ZNF461: variants seen among roughly 807,000 people sequenced by gnomAD.
The protein encoded by ZNF461 is zinc finger protein 461.
A neutral mutation model predicts 18.3 loss-of-function variants in ZNF461; 16 were observed. The observed-to-expected ratio is 0.88, with a 90% CI of 0.59 to 1.33. The LOEUF (loss-of-function observed/expected upper bound fraction) is 1.33. Among genes scored for constraint, ZNF461 ranks in the 40% most tolerant of loss-of-function variants. The probability of loss-of-function intolerance (pLI) is 0.00; values close to 1 mark genes in which losing one functional copy is unlikely to be tolerated. For missense variants in ZNF461, 595 were observed against 669.9 expected, an observed-to-expected ratio of 0.89 and a Z score of 1.23; for synonymous variants, 179 against 216.9, an observed-to-expected ratio of 0.83 and a Z score of 1.54.
At chr19:36,645,036 T>C (rs1421147838) in intron 4 of ZNF461, 1 of 152,276 alleles carries the variant, frequency 6.6e-6, no homozygotes, top group African/African-American at 2.4e-5. Flanking sequence ...CTGGACAACA[T>C]AGTGAGACCT....
intron 4 of ZNF461, among the ~76,000 whole-genome samples, chr19:36,646,872 A>C (rs1257984158): frequency 6.6e-6 from 1 of 152,260 alleles, no homozygotes; most frequent in Admixed American, 6.5e-5. Context: ...TAAATGAATT[A>C]AATGAATATT....
At chr19:36,642,739 GGT>G (rs373352965) in intron 5 of ZNF461, among the ~76,000 whole-genome samples, 1 of 144,706 alleles carries the variant, frequency 6.9e-6, no homozygotes, top group African/African-American at 2.6e-5. Context: ...TGGCAGACAT[GGT>G]GTGTGTGTGT....
chr19:36,643,608 G>C (rs971423493), intron 5 of ZNF461, 186 bp downstream of exon 5: 1 of 424,748 alleles, frequency 2.4e-6, no homozygotes, highest in Non-Finnish European at 3.9e-6. Flanking sequence ...GAGAGATTCT[G>C]AGAGACTACT....
intron 3 of ZNF461, chr19:36,657,690 A>G (rs2037747951): frequency 2.0e-5 from 3 of 152,210 alleles, no homozygotes; most frequent in African/African-American, 7.3e-5. Context: ...AGGCAGGAGA[A>G]TTGCTTGAAG....
intron 4 of ZNF461, among the ~76,000 whole-genome samples, chr19:36,655,888 G>A (rs961704773): frequency 1.3e-5 from 2 of 151,920 alleles, no homozygotes; most frequent in Admixed American, 1.3e-4. Context: ...CTTTGCCTGT[G>A]GATAATCCAA....
chr19:36,658,547 C>G (rs566515970), intron 2 of ZNF461, 122 bp from the exon 3 acceptor site: 9 of 981,740 alleles, frequency 9.2e-6, no homozygotes, highest in Non-Finnish European at 1.3e-5. Context: ...ATAGGCTAAG[C>G]CTGGGACATG....
chr19:36,646,520 GTTA>G (rs2037531477), intron 4 of ZNF461, among the ~76,000 whole-genome samples: 1 of 152,158 alleles, frequency 6.6e-6, no homozygotes, highest in East Asian at 1.9e-4. Context: ...GATTCGTGGT[GTTA>G]TTAACAAGTA....
chr19:36,648,501 T>C (rs2037568261), intron 4 of ZNF461, among the ~76,000 whole-genome samples: 1 of 150,104 alleles, frequency 6.7e-6, no homozygotes, highest in Non-Finnish European at 1.5e-5. Context: ...ACTTGTTATG[T>C]TTTTTTTTTA....
chr19:36,653,710 T>C (rs2037667390), intron 4 of ZNF461, among the ~76,000 whole-genome samples: 1 of 152,162 alleles, frequency 6.6e-6, no homozygotes, highest in Non-Finnish European at 1.5e-5. Flanking sequence ...AGTGCCCCCA[T>C]GATTCAATTA....
chr19:36,650,157 A>C (rs2037601695), intron 4 of ZNF461, among the ~76,000 whole-genome samples: 1 of 152,322 alleles, frequency 6.6e-6, no homozygotes, highest in South Asian at 2.1e-4. Flanking sequence ...TGGGTGAAAG[A>C]GTGAGACTCC....
intron 5 of ZNF461, among the ~76,000 whole-genome samples, chr19:36,642,906 C>T (rs949894698): frequency 1.3e-5 from 2 of 151,840 alleles, no homozygotes; most frequent in South Asian, 2.1e-4. Flanking sequence ...AGGTGCTCAC[C>T]ACCTGTAATT....
intron 4 of ZNF461, among the ~76,000 whole-genome samples, chr19:36,644,458 G>A (rs536411951): frequency 5.4e-5 from 8 of 147,370 alleles, no homozygotes; most frequent in Non-Finnish European, 9.0e-5. Context: ...TAGTAGAGAT[G>A]GGGTTTCACC....
At chr19:36,643,072 G>A (rs764783690) in intron 5 of ZNF461, among the ~76,000 whole-genome samples, 3 of 151,882 alleles carry the variant, frequency 2.0e-5, no homozygotes, top group African/African-American at 4.8e-5. Flanking sequence ...CTCGGCCAGC[G>A]GACATGTTTA....
In ZNF461 at chr19:36,638,885, T is replaced by G; in HGVS notation, c.1460A>C (p.His487Pro). 1 of 1,606,082 alleles carries G rather than the reference T, an allele frequency of 6.2e-7. No homozygotes were observed. Among genetic ancestry groups the G allele is most frequent in the Non-Finnish European group, 8.5e-7 (1 of 1,174,734 alleles). ...TTTCTCACCAGTATGAATTCTTTGA[T>G]GTTGAATAAGGTGTGAATGAAGTCT... ...AFRLHSHLIQHQRIHTGEKPY... is the reference protein window; with the variant it reads ...AFRLHSHLIQPQRIHTGEKPY... The change falls in exon 6 of 6, where the codon CAT becomes CCT. Residue 487 changes from histidine to proline, a missense_variant. His to Pro is a moderately conservative substitution (Grantham distance 77). Transcript: ENST00000588268.
chr19:36,638,631 T>C lies in ZNF461; in HGVS notation c.*22A>G. The C allele has an allele frequency of 6.5e-7, 1 of 1,529,778 alleles. No homozygotes were observed. Among genetic ancestry groups the C allele is most frequent in the African/African-American group, 1.4e-5 (1 of 72,364 alleles). The allele number at this position is 1,529,778 out of a possible 1,614,324, so 94.8% of individuals were successfully genotyped here. On this transcript the variant is annotated 3_prime_UTR_variant, in exon 6 of 6. Coordinates refer to ENST00000588268, the MANE Select transcript of ZNF461 (RefSeq NM_153257.5). ...TTTTCCTTAAATAAAACAAAGACAA[T>C]GTATATTTCCATCAACAAATTTCAT...
chr19:36,656,034 G>C (rs558777401), intron 4 of ZNF461, among the ~76,000 whole-genome samples: 12 of 116,602 alleles, frequency 1.0e-4, no homozygotes, highest in Non-Finnish European at 2.0e-4. Context: ...GTCTCGTTCT[G>C]TCGCCCAGGC....
chr19:36,639,934 C>G lies in ZNF461; in HGVS notation c.411G>C (p.Glu137Asp), dbSNP rs1335836606. ...NMEEFKSHSPERSIFSAIWEG... is the reference protein window; with the variant it reads ...NMEEFKSHSPDRSIFSAIWEG... ...CCCAGATAGCGCTGAAAATTGATCT[C>G]TCAGGACTATGGCTTTTAAATTCTT... The change falls in exon 6 of 6, where the codon GAG becomes GAC. Residue 137 changes from glutamate (E) to aspartate (D), a missense_variant. Physicochemically the swap from Glu to Asp is conservative, Grantham distance 45. Coordinates refer to ENST00000588268, the MANE Select transcript of ZNF461 (RefSeq NM_153257.5). 1.9e-6 allele frequency: 3 copies of G among 1,613,768 alleles called. No homozygotes were observed. The highest frequency in any genetic ancestry group is 1.3e-5 in the African/African-American group (1 of 74,934).
In ZNF461 at chr19:36,639,435, T is replaced by C. The variant is rs376344953; in HGVS notation, c.910A>G (p.Lys304Glu). 1 of 1,613,818 alleles carries C rather than the reference T, an allele frequency of 6.2e-7. No homozygotes were observed. Among genetic ancestry groups the C allele is most frequent in the African/African-American group, 1.3e-5 (1 of 74,874 alleles). ...TGTCTAAAGGCCTTCCCACATTCTTTACATTCATAAGGTTTCTCACCAGTG... is the reference window on the plus strand; with the variant it reads ...TGTCTAAAGGCCTTCCCACATTCTTCACATTCATAAGGTTTCTCACCAGTG... ...IHTGEKPYECKECGKAFRQRS... is the reference protein window; with the variant it reads ...IHTGEKPYECEECGKAFRQRS... Residue 304 changes from lysine (K) to glutamate (E), a missense_variant, in exon 6 of 6, where the codon AAA (lysine) becomes GAA (glutamate). Transcript: ENST00000588268.
rs745939752 is a variant in ZNF461, at chr19:36,639,239, C to T, written c.1106G>A (p.Arg369His). The change falls in exon 6 of 6, where the codon CGC becomes CAC. Residue 369 changes from arginine (R) to histidine (H), a missense_variant. Coordinates refer to ENST00000588268, the MANE Select transcript of ZNF461 (RefSeq NM_153257.5). ...TCTCTGATGTATAGTAAGATGTGAG[C>T]GATGCCTAAAAGTCTTTCCACATTC... ...CKECGKTFRH[R>H]SHLTIHQRIH... 104 of 1,613,778 alleles carry T rather than the reference C, an allele frequency of 6.4e-5. No individual in the cohort carries two copies. Among genetic ancestry groups the T allele is most frequent in the South Asian group, 6.6e-5 (6 of 91,072 alleles).
Sources: allele counts gnomAD v4.1 joint callset (sites outside exome capture counted in the v4.1 genomes callset), GRCh38; gene constraint gnomAD v4.1.1; transcripts MANE v1.5; gene names NCBI Gene and HGNC (gene_info 2026-07-23, HGNC 2026-07-21).